Variants in ANKIB1 observed in about 807,000 individuals in gnomAD.
ANKIB1 encodes ankyrin repeat and IBR domain-containing protein 1.
A neutral mutation model predicts 122.1 loss-of-function variants in ANKIB1; 43 were observed. That is an observed-to-expected ratio of 0.35 (90% CI 0.28 to 0.45). ANKIB1 has a LOEUF of 0.45. Among genes scored for constraint, ANKIB1 ranks in the 20% least tolerant of loss-of-function variants. The pLI is 1.00. For synonymous variants in ANKIB1, 390 were observed against 442.0 expected (o/e 0.88, Z 1.48); for missense variants, 992 against 1,329.5 (o/e 0.75, Z 3.95).
intron 9 of ANKIB1, among the ~76,000 whole-genome samples, chr7:92,358,882 A>G (rs1363271255): frequency 6.6e-6 from 1 of 152,084 alleles, no homozygotes; most frequent in Non-Finnish European, 1.5e-5. Flanking sequence ...GTCATGAGAA[A>G]TGTAGATTCT....
At position 92,390,572 on chromosome 7, in the gene ANKIB1, A is replaced by G. The variant is rs578018279; in HGVS notation, c.2052+456A>G. ...AAGCCAATTGGCATCACTATAGCCA[A>G]ATAACTTCATTGTGCATTTCTTTTC... On this transcript the variant is annotated intron_variant, in intron 15 of 19. Transcript: ENST00000265742. Among the ~76,000 whole-genome samples, 33 of 152,340 alleles carry G rather than the reference A, an allele frequency of 2.2e-4. No individual in the cohort carries two copies. In the South Asian group the frequency reaches 6.6e-3, roughly 31 times the overall value.
At chr7:92,381,577 G>A (rs1445688289) in intron 11 of ANKIB1, among the ~76,000 whole-genome samples, 2 of 152,100 alleles carry the variant, frequency 1.3e-5, no homozygotes, top group African/African-American at 2.4e-5. Context: ...AGAGAGTGGG[G>A]GCTAATATTC....
Position 92,398,789 on chromosome 7 carries a change from T to G in ANKIB1, c.3110T>G (p.Ile1037Arg). Reference sequence around the variant, plus strand: ...GTCAGTGAAGGTAGAGGAACCCAGATAGAAGAAAATCCTTTGGAAGAAAAT... The same window carrying G: ...GTCAGTGAAGGTAGAGGAACCCAGAGAGAAGAAAATCCTTTGGAAGAAAAT... ...ASVSEGRGTQ[I>R]EENPLEENIL... is the part of the protein sequence containing the mutation. The change falls in exon 20 of 20, where the codon ATA becomes AGA. Residue 1037 changes from isoleucine (I) to arginine (R), a missense_variant. By Grantham distance (97) the Ile-to-Arg change is moderately conservative. Coordinates refer to ENST00000265742, the MANE Select transcript of ANKIB1 (RefSeq NM_019004.2). 1 of 1,611,490 alleles carries G rather than the reference T, an allele frequency of 6.2e-7. No homozygotes were observed. Among genetic ancestry groups the G allele is most frequent in the Non-Finnish European group, 8.5e-7 (1 of 1,178,726 alleles).
Position 92,245,980 on chromosome 7 carries a change from G to A in ANKIB1, c.-630G>A. 1 of 235,160 alleles carries A rather than the reference G, an allele frequency of 4.3e-6. No homozygotes were observed. Among genetic ancestry groups the A allele is most frequent in the Non-Finnish European group, 8.4e-6 (1 of 119,390 alleles). The allele number at this position is 235,160 out of a possible 1,614,324, so 14.6% of individuals were successfully genotyped here. The stretch of plus-strand genomic sequence containing the variant: ...TGGCGGTGAAAGAGCTTCCGGGTCG[G>A]CGGCCGGGCTGCTGCCGTTCCTGCT... On this transcript the variant is annotated 5_prime_UTR_variant, in exon 1 of 20. Coordinates refer to ENST00000265742, the MANE Select transcript of ANKIB1 (RefSeq NM_019004.2).
chr7:92,269,022 C>T (rs1366293724), intron 1 of ANKIB1, among the ~76,000 whole-genome samples: 1 of 152,180 alleles, frequency 6.6e-6, no homozygotes, highest in East Asian at 1.9e-4. Flanking sequence ...CAGTAGGCCA[C>T]AGTGTTTTCC....
In ANKIB1 at chr7:92,343,227, A is replaced by G. The variant is rs752100081; in HGVS notation, c.991A>G (p.Ser331Gly). 6.2e-7 allele frequency: 1 copy of G among 1,613,264 alleles called. No individual in the cohort carries two copies. The highest frequency in any genetic ancestry group is 1.7e-5 in the Admixed American group (1 of 59,942). The change falls in exon 6 of 20, where the codon AGT becomes GGT. Residue 331 changes from serine (S) to glycine (G), a missense_variant. Physicochemically the swap from Ser to Gly is moderately conservative, Grantham distance 56 (BLOSUM62 0). Transcript: ENST00000265742. ...CTTATCTCCTGGGGATTTAGACACCAGTTTGGTATGGTTTGGTATTCACTG... is the reference window on the plus strand; with the variant it reads ...CTTATCTCCTGGGGATTTAGACACCGGTTTGGTATGGTTTGGTATTCACTG... Reference protein sequence around the residue: ...ISLSPGDLDTSLCDICMCSIS... With the variant: ...ISLSPGDLDTGLCDICMCSIS...
chr7:92,320,426 T>C (rs1802881837), intron 4 of ANKIB1, among the ~76,000 whole-genome samples: 1 of 152,214 alleles, frequency 6.6e-6, no homozygotes, highest in Non-Finnish European at 1.5e-5. Context: ...CTTGATGCAA[T>C]TGACCAATCC....
intron 1 of ANKIB1, among the ~76,000 whole-genome samples, chr7:92,250,584 G>C (rs1267565940): frequency 6.6e-6 from 1 of 152,142 alleles, no homozygotes; most frequent in African/African-American, 2.4e-5. Context: ...TGCTAAAAAT[G>C]TGTGTATTCT....
chr7:92,248,888 C>CTTTTTTTTT (rs778549860), intron 1 of ANKIB1, among the ~76,000 whole-genome samples: 9 of 123,018 alleles, frequency 7.3e-5, no homozygotes, highest in Non-Finnish European at 8.3e-5. Context: ...TCTTTTCTTT[C>CTTTTTTTTT]TTTTTTTTTT....
At chr7:92,350,361 A>C (rs757384861) in intron 7 of ANKIB1, among the ~76,000 whole-genome samples, 36 of 152,314 alleles carry the variant, frequency 2.4e-4, no homozygotes, top group African/African-American at 8.7e-4. Context: ...AAATAAAAAT[A>C]CTTTTTCAGA....
In ANKIB1 at chr7:92,352,519, C is replaced by T. The variant is rs769479612; in HGVS notation, c.1274C>T (p.Pro425Leu). 6.2e-7 allele frequency: 1 copy of T among 1,613,646 alleles called. No homozygotes were observed. The highest frequency in any genetic ancestry group is 1.1e-5 in the South Asian group (1 of 91,000). Reference sequence around the variant, plus strand: ...CCTGCCATTAAATGGTGTCCTACTCCAGGCTGTGACAGAGCAGTAAGACTA... The same window carrying T: ...CCTGCCATTAAATGGTGTCCTACTCTAGGCTGTGACAGAGCAGTAAGACTA... ...NNPAIKWCPT[P>L]GCDRAVRLTK... Residue 425 changes from proline (P) to leucine (L), a missense_variant, in exon 9 of 20, where the codon CCA becomes CTA. Transcript: ENST00000265742.
At chr7:92,330,312 T>A (rs934760512) in intron 5 of ANKIB1, among the ~76,000 whole-genome samples, 1 of 152,210 alleles carries the variant, frequency 6.6e-6, no homozygotes, top group Non-Finnish European at 1.5e-5. Context: ...TTTTAATTTT[T>A]ATTGTTAGGT....
At chr7:92,253,085 A>G (rs901779127) in intron 1 of ANKIB1, among the ~76,000 whole-genome samples, 22 of 152,196 alleles carry the variant, frequency 1.4e-4, no homozygotes, top group African/African-American at 4.3e-4. Context: ...ATGTACATAC[A>G]TAATTATTTC....
chr7:92,340,603 C>G (rs1242599263), intron 5 of ANKIB1, among the ~76,000 whole-genome samples: 1 of 152,020 alleles, frequency 6.6e-6, no homozygotes, highest in Non-Finnish European at 1.5e-5. Flanking sequence ...AGAGAAAAAC[C>G]TCTGAGTTTC....
intron 3 of ANKIB1, among the ~76,000 whole-genome samples, chr7:92,308,046 A>G (rs528013385): frequency 1.6e-4 from 25 of 151,856 alleles, no homozygotes; most frequent in African/African-American, 5.3e-4. Context: ...TAATTTTTGT[A>G]TTTTTAGTAG....
At chr7:92,373,157 C>A (rs909598883) in intron 11 of ANKIB1, among the ~76,000 whole-genome samples, 9 of 152,148 alleles carry the variant, frequency 5.9e-5, no homozygotes, top group Middle Eastern at 3.4e-3. Context: ...GCAAAATATT[C>A]AAAAGTGTTA....
chr7:92,382,495 C>G (rs1562798575), intron 11 of ANKIB1, among the ~76,000 whole-genome samples: 1 of 152,308 alleles, frequency 6.6e-6, no homozygotes, highest in East Asian at 1.9e-4. Flanking sequence ...GGAAGTAAAG[C>G]ACTCCTCAGC....
intron 1 of ANKIB1, among the ~76,000 whole-genome samples, chr7:92,262,104 T>C (rs1406958815): frequency 6.6e-6 from 1 of 152,196 alleles, no homozygotes; most frequent in Non-Finnish European, 1.5e-5. Flanking sequence ...ATTTCTGATG[T>C]TGGAGAGGTG....
chr7:92,283,957 G>A (rs1052097002), intron 1 of ANKIB1, among the ~76,000 whole-genome samples: 3 of 152,054 alleles, frequency 2.0e-5, no homozygotes, highest in Non-Finnish European at 4.4e-5. Flanking sequence ...TTTTAGTAGG[G>A]ACGGGGTTTC....
Sources: gnomAD v4.1 joint callset for allele counts (sites outside exome capture counted in the v4.1 genomes callset) on GRCh38, gnomAD v4.1.1 for gene constraint, MANE v1.5 for transcripts, NCBI Gene and HGNC (gene_info 2026-07-23, HGNC 2026-07-21) for gene names.